The following FNBP1L variants were observed in gnomAD, a reference collection of about 807,000 sequenced individuals.
The protein encoded by FNBP1L is formin binding protein 1 like.
Under a neutral mutation model 91.2 loss-of-function variants are expected in FNBP1L, and 36 were observed. The ratio of observed to expected loss-of-function variants is 0.39; its 90% confidence interval spans 0.30 to 0.52. The LOEUF (loss-of-function observed/expected upper bound fraction) is 0.52, where lower values mean the gene tolerates loss of function less well. FNBP1L is among the 20% of genes least tolerant of loss of function. The pLI is 0.66. For synonymous variants in FNBP1L, 242 were observed against 237.0 expected (o/e 1.02, Z -0.19); for missense variants, 571 against 732.1 (o/e 0.78, Z 2.54).
chr1:93,542,930 C>T (rs926714800), intron 11 of FNBP1L, among the ~76,000 whole-genome samples: 3 of 151,806 alleles, frequency 2.0e-5, no homozygotes, highest in Admixed American at 6.6e-5. Flanking sequence ...GGATTACAGG[C>T]GCCTGCCACC....
intron 2 of FNBP1L, among the ~76,000 whole-genome samples, chr1:93,512,676 G>A (rs1489954089): frequency 1.3e-5 from 2 of 149,340 alleles, no homozygotes; most frequent in Non-Finnish European, 3.0e-5. Context: ...ATGACTACTG[G>A]GTACATAACG....
intron 1 of FNBP1L, among the ~76,000 whole-genome samples, chr1:93,485,499 A>G (rs1669867380): frequency 6.6e-6 from 1 of 152,346 alleles, no homozygotes; most frequent in African/African-American, 2.4e-5. Context: ...AAAAATTGTT[A>G]ACAGTCATTA....
intron 1 of FNBP1L, among the ~76,000 whole-genome samples, chr1:93,480,859 G>T (rs947529778): frequency 3.3e-5 from 5 of 152,106 alleles, no homozygotes; most frequent in Non-Finnish European, 7.4e-5. Flanking sequence ...ACTGTGCCTG[G>T]CTGAGTCTCT....
intron 1 of FNBP1L, among the ~76,000 whole-genome samples, chr1:93,478,706 A>G (rs1457214098): frequency 3.3e-5 from 5 of 152,212 alleles, no homozygotes; most frequent in African/African-American, 7.2e-5. Flanking sequence ...GTGAGTTAAT[A>G]TATTAAGGAT....
At chr1:93,480,160 C>T (rs1031683953) in intron 1 of FNBP1L, among the ~76,000 whole-genome samples, 11 of 152,176 alleles carry the variant, frequency 7.2e-5, no homozygotes, top group Non-Finnish European at 1.5e-4. Flanking sequence ...CAATCCCTTT[C>T]CCCACAAAGC....
intron 2 of FNBP1L, among the ~76,000 whole-genome samples, chr1:93,509,668 A>G (rs965804555): frequency 1.3e-5 from 2 of 152,216 alleles, no homozygotes; most frequent in Non-Finnish European, 2.9e-5. Flanking sequence ...GACGCAGAAG[A>G]CAGGTGATTT....
At chr1:93,462,872 G>A (rs147628620) in intron 1 of FNBP1L, among the ~76,000 whole-genome samples, 36 of 152,018 alleles carry the variant, frequency 2.4e-4, no homozygotes, top group African/African-American at 6.3e-4. Context: ...TATGTATAGC[G>A]AAAACTGAAG....
chr1:93,473,444 A>G (rs546488685), intron 1 of FNBP1L, among the ~76,000 whole-genome samples: 90 of 152,276 alleles, frequency 5.9e-4, no homozygotes, highest in South Asian at 4.6e-3. Context: ...CTAAACTCTG[A>G]TCTAGATTTG....
At chr1:93,514,781 A>G (rs568903399) in intron 2 of FNBP1L, among the ~76,000 whole-genome samples, 12 of 152,076 alleles carry the variant, frequency 7.9e-5, no homozygotes, top group African/African-American at 2.9e-4. Flanking sequence ...GATGGATTAA[A>G]GACTTAAACG....
intron 2 of FNBP1L, among the ~76,000 whole-genome samples, chr1:93,512,364 G>A (rs1370395045): frequency 5.3e-5 from 8 of 151,586 alleles, no homozygotes; most frequent in African/African-American, 1.5e-4. Context: ...ACAAATCAAC[G>A]AGACAGAAAG....
At chr1:93,503,036 G>C (rs1670488794) in intron 2 of FNBP1L, among the ~76,000 whole-genome samples, 1 of 152,094 alleles carries the variant, frequency 6.6e-6, no homozygotes, top group Non-Finnish European at 1.5e-5. Context: ...TGCTAGTGCA[G>C]AGGATAATTT....
chr1:93,531,012 A>G (rs1671659036), intron 7 of FNBP1L, 129 bp downstream of exon 7: 3 of 711,090 alleles, frequency 4.2e-6, no homozygotes, highest in Non-Finnish European at 6.5e-6. Flanking sequence ...AGATTCCTTT[A>G]TGATTATAGA....
At chr1:93,507,945 G>A (rs955081919) in intron 2 of FNBP1L, among the ~76,000 whole-genome samples, 5 of 150,026 alleles carry the variant, frequency 3.3e-5, no homozygotes, top group African/African-American at 1.2e-4. Flanking sequence ...CACCACCCCT[G>A]GCCTAGTTTT....
intron 2 of FNBP1L, among the ~76,000 whole-genome samples, chr1:93,520,419 A>G (rs1474610803): frequency 2.0e-5 from 3 of 152,192 alleles, no homozygotes; most frequent in South Asian, 4.1e-4. Flanking sequence ...TTTCCAATCC[A>G]TTGTGTACTG....
At chr1:93,551,889 A>G (rs1440812279) in intron 16 of FNBP1L, 12 of 985,336 alleles carry the variant, frequency 1.2e-5, no homozygotes, top group Non-Finnish European at 1.2e-5. Context: ...TTTGGGAAAT[A>G]CCACTTTAGT....
chr1:93,507,095 ACACACACACACACTCTCTCTCTCT>A (rs1670651588), intron 2 of FNBP1L, among the ~76,000 whole-genome samples: 21 of 104,116 alleles, frequency 2.0e-4, no homozygotes, highest in South Asian at 3.9e-4. Flanking sequence ...ACACACACAC[ACACACACACACACTCTCTCTCTCT>A]CTCTCTCTCT....
intron 3 of FNBP1L, among the ~76,000 whole-genome samples, chr1:93,522,962 C>G (rs1671379234): frequency 6.6e-6 from 1 of 152,100 alleles, no homozygotes; most frequent in Non-Finnish European, 1.5e-5. Flanking sequence ...CATCGAGATG[C>G]ATTTGGCAAG....
At chr1:93,455,961 C>T (rs1260019292) in intron 1 of FNBP1L, among the ~76,000 whole-genome samples, 3 of 152,062 alleles carry the variant, frequency 2.0e-5, no homozygotes, top group South Asian at 2.1e-4. Flanking sequence ...AGGGGGATGC[C>T]GTCGGGCATT....
intron 1 of FNBP1L, among the ~76,000 whole-genome samples, chr1:93,453,317 A>T (rs1278653479): frequency 1.3e-5 from 2 of 152,206 alleles, no homozygotes; most frequent in African/African-American, 4.8e-5. Context: ...TGACTATAAT[A>T]AGTTGGAAGC....
Sources: allele counts gnomAD v4.1 joint callset (sites outside exome capture counted in the v4.1 genomes callset), GRCh38; gene constraint gnomAD v4.1.1; transcripts MANE v1.5; gene names NCBI Gene and HGNC (gene_info 2026-07-23, HGNC 2026-07-21).